The following AMPH variants were observed in gnomAD, a reference collection of about 807,000 sequenced individuals.
The protein encoded by AMPH is amphiphysin (Stiff-Mann syndrome with breast cancer 128kD autoantigen).
AMPH carries 49 observed loss-of-function variants against 99.1 expected under a neutral mutation model. The ratio of observed to expected loss-of-function variants is 0.49; its 90% CI spans 0.39 to 0.63. The LOEUF is 0.63. AMPH is among the 20% of genes least tolerant of loss of function. AMPH has a pLI of 0.00. For synonymous variants in AMPH, 314 were observed against 317.3 expected (o/e 0.99, Z 0.11); for missense variants, 759 against 863.4 (o/e 0.88, Z 1.52).
rs150459387 is a variant in AMPH, at chr7:38,438,029, C to T, written c.1018-1641G>A. Among the ~76,000 whole-genome samples, 156 of 152,266 alleles carry T rather than the reference C, an allele frequency of 1.0e-3. 1 individual carries two copies. In the East Asian group the frequency reaches 0.024, roughly 24 times the overall value. ...CTACTTTCTTTACTAATTACAATCA[C>T]AAAACTATCAACCGATTCCCTATTC... On this transcript the variant is annotated intron_variant, in intron 11 of 20. Coordinates refer to ENST00000356264, the MANE Select transcript of AMPH (RefSeq NM_001635.4).
chr7:38,562,564 A>G (rs960836087), intron 1 of AMPH, among the ~76,000 whole-genome samples: 2 of 152,036 alleles, frequency 1.3e-5, no homozygotes, highest in East Asian at 3.9e-4. Context: ...TCCTAAGTCC[A>G]GAGGGGCTGG....
intron 3 of AMPH, among the ~76,000 whole-genome samples, chr7:38,502,843 A>G (rs1789191026): frequency 6.6e-6 from 1 of 152,148 alleles, no homozygotes; most frequent in Admixed American, 6.5e-5. Context: ...CATCTTTACT[A>G]TATCTGGAAT....
intron 7 of AMPH, among the ~76,000 whole-genome samples, chr7:38,467,684 T>A (rs932380974): frequency 2.3e-5 from 3 of 132,202 alleles, no homozygotes; most frequent in Non-Finnish European, 3.2e-5. Context: ...TAAGCAGATT[T>A]TATATATATG....
chr7:38,504,034 T>C (rs1393423711), intron 2 of AMPH, among the ~76,000 whole-genome samples: 2 of 152,376 alleles, frequency 1.3e-5, no homozygotes, highest in Non-Finnish European at 2.9e-5. Context: ...TTATCTAACA[T>C]GGTAGCCACA....
intron 1 of AMPH, among the ~76,000 whole-genome samples, chr7:38,611,193 G>A (rs146610878): frequency 4.6e-5 from 7 of 152,228 alleles, no homozygotes; most frequent in East Asian, 1.9e-4. Flanking sequence ...TAAGCTAAGC[G>A]AAAGAATCTC....
At chr7:38,423,988 C>G (rs999700765) in intron 15 of AMPH, among the ~76,000 whole-genome samples, 1 of 152,150 alleles carries the variant, frequency 6.6e-6, no homozygotes, top group Non-Finnish European at 1.5e-5. Context: ...AATATTGAGA[C>G]CATGCACCCC....
At chr7:38,599,636 G>A (rs770681461) in intron 1 of AMPH, among the ~76,000 whole-genome samples, 14 of 151,962 alleles carry the variant, frequency 9.2e-5, no homozygotes, top group Non-Finnish European at 1.8e-4. Flanking sequence ...ACCCCTAACC[G>A]CCACATTGTT....
chr7:38,401,675 G>T lies in AMPH; in HGVS notation c.1399-7461C>A, dbSNP rs114179247. Among the ~76,000 whole-genome samples the T allele has an allele frequency of 6.0e-3, 915 of 152,136 alleles. 14 individuals are homozygous for T. Among genetic ancestry groups the T allele is most frequent in the African/African-American group, 0.021 (861 of 41,506 alleles). On this transcript the variant is annotated intron_variant, in intron 17 of 20. Coordinates refer to ENST00000356264, the MANE Select transcript of AMPH (RefSeq NM_001635.4). The stretch of plus-strand genomic sequence containing the variant: ...TAAGTCAGAGAACAACCTAATTGTT[G>T]TTCATTTGTAGTGCTTTCTTATTTC...
intron 1 of AMPH, among the ~76,000 whole-genome samples, chr7:38,595,130 T>C (rs1793005422): frequency 1.3e-5 from 2 of 152,164 alleles, no homozygotes; most frequent in Non-Finnish European, 2.9e-5. Flanking sequence ...AGGGGAGTTG[T>C]GCCCTGGTTG....
intron 11 of AMPH, among the ~76,000 whole-genome samples, chr7:38,455,256 C>T (rs1024019430): frequency 2.0e-5 from 3 of 151,892 alleles, no homozygotes; most frequent in Middle Eastern, 3.4e-3. Flanking sequence ...TTTTTAGTAG[C>T]GACAGGGTTT....
intron 1 of AMPH, among the ~76,000 whole-genome samples, chr7:38,587,040 T>C (rs760423839): frequency 4.6e-5 from 6 of 129,380 alleles, no homozygotes; most frequent in East Asian, 2.6e-4. Context: ...CACACACACA[T>C]AAAATCCACA....
Position 38,384,620 on chromosome 7 carries a change from A to C in AMPH, c.*198T>G, listed in dbSNP as rs978534144. The stretch of plus-strand genomic sequence containing the variant: ...ACCTGTTATTGACAACATGGGAATG[A>C]GTGAGGATTTTTTCCTTAATTTACT... On this transcript the variant is annotated 3_prime_UTR_variant, in exon 21 of 21. Transcript: ENST00000356264. The C allele has an allele frequency of 3.9e-6, 2 of 506,984 alleles. No individual in the cohort carries two copies. Among genetic ancestry groups the C allele is most frequent in the Admixed American group, 3.1e-5 (1 of 32,458 alleles). The allele number at this position is 506,984 out of a possible 1,614,324, so 31.4% of individuals were successfully genotyped here.
intron 5 of AMPH, among the ~76,000 whole-genome samples, chr7:38,477,727 T>C (rs1788137952): frequency 6.6e-6 from 1 of 151,794 alleles, no homozygotes. Flanking sequence ...AACAAAAAGC[T>C]TTAAGCCGCT....
chr7:38,496,739 C>G (rs1007869435), intron 3 of AMPH, among the ~76,000 whole-genome samples: 1 of 152,194 alleles, frequency 6.6e-6, no homozygotes, highest in Non-Finnish European at 1.5e-5. Flanking sequence ...AAATTCATAA[C>G]AAGCGTTAGT....
At chr7:38,574,946 C>A (rs1562838177) in intron 1 of AMPH, among the ~76,000 whole-genome samples, 1 of 150,832 alleles carries the variant, frequency 6.6e-6, no homozygotes, top group Non-Finnish European at 1.5e-5. Context: ...CCCAGCTACT[C>A]AGGAGGCTGA....
At chr7:38,611,537 C>T (rs1308262425) in intron 1 of AMPH, among the ~76,000 whole-genome samples, 1 of 152,190 alleles carries the variant, frequency 6.6e-6, no homozygotes, top group Non-Finnish European at 1.5e-5. Context: ...TATTTGTTCT[C>T]CAAGATTGTG....
intron 2 of AMPH, among the ~76,000 whole-genome samples, chr7:38,524,099 C>G (rs1009705848): frequency 6.6e-6 from 1 of 152,134 alleles, no homozygotes; most frequent in Non-Finnish European, 1.5e-5. Flanking sequence ...TGTGTTCTGA[C>G]AGCATACACT....
chr7:38,430,063 A>T, intron 13 of AMPH, 198 bp from the exon 14 acceptor site: 2 of 532,616 alleles, frequency 3.8e-6, no homozygotes, highest in Non-Finnish European at 6.5e-6. Flanking sequence ...AAAAGGCACA[A>T]ATGAAACACA....
intron 17 of AMPH, among the ~76,000 whole-genome samples, chr7:38,407,686 T>A (rs1785089808): frequency 6.6e-6 from 1 of 152,128 alleles, no homozygotes; most frequent in Admixed American, 6.5e-5. Context: ...AAGCCATAAG[T>A]ACAGAATAAA....
Sources: allele counts gnomAD v4.1 joint callset (sites outside exome capture counted in the v4.1 genomes callset), GRCh38; gene constraint gnomAD v4.1.1; transcripts MANE v1.5; gene names NCBI Gene and HGNC (gene_info 2026-07-23, HGNC 2026-07-21).